The following CNOT10 variants were observed in gnomAD, a reference collection of about 807,000 sequenced individuals.
The protein encoded by CNOT10 is CCR4-NOT transcription complex subunit 10, also known as CCR4-NOT transcription complex, subunit 10.
CNOT10 carries 30 observed loss-of-function variants against 94.6 expected under a neutral mutation model. The observed-to-expected ratio is 0.32, with a 90% confidence interval of 0.24 to 0.43. The LOEUF (loss-of-function observed/expected upper bound fraction) is 0.43. Ranked by LOEUF, CNOT10 falls within the 20% of genes least tolerant of loss-of-function variation. The probability of loss-of-function intolerance (pLI) is 1.00; values close to 1 mark genes in which losing one functional copy is unlikely to be tolerated. For missense variants in CNOT10, 759 were observed against 877.2 expected (o/e 0.87, Z 1.70); for synonymous variants, 289 against 301.6 (o/e 0.96, Z 0.43).
At position 32,770,515 on chromosome 3, in the gene CNOT10, CAG is replaced by C. The variant is rs1559522819; in HGVS notation, c.2080+554_2080+555del. On this transcript the variant is annotated intron_variant, in intron 18 of 18. Coordinates refer to ENST00000328834, the MANE Select transcript of CNOT10 (RefSeq NM_015442.3). ...TAATTTTGTGTATTTTTAGTAGAGACAGGGTTTCACCGTGTTGGCCACGATGG... is the reference window on the plus strand; with the variant it reads ...TAATTTTGTGTATTTTTAGTAGAGACGGTTTCACCGTGTTGGCCACGATGG... Among the ~76,000 whole-genome samples, 3 of 151,716 alleles carry C rather than the reference CAG, an allele frequency of 2.0e-5. No individual in the cohort carries two copies. In the East Asian group the frequency reaches 5.9e-4, roughly 30 times the overall value.
chr3:32,750,499 A>G (rs577115014), intron 13 of CNOT10, among the ~76,000 whole-genome samples: 77 of 152,290 alleles, frequency 5.1e-4, no homozygotes, highest in Middle Eastern at 3.4e-3. Flanking sequence ...CTCAAAAACA[A>G]AAAAGAGTAA....
intron 4 of CNOT10, among the ~76,000 whole-genome samples, chr3:32,711,278 T>C (rs867884135): frequency 9.2e-5 from 14 of 152,170 alleles, no homozygotes; most frequent in African/African-American, 3.4e-4. Context: ...TATAAAATGG[T>C]GTAGTATTTA....
intron 7 of CNOT10, among the ~76,000 whole-genome samples, chr3:32,717,966 C>T (rs754817191): frequency 1.3e-4 from 20 of 152,234 alleles, no homozygotes; most frequent in South Asian, 2.1e-4. Flanking sequence ...ACAGTACCTT[C>T]GATTTAACTG....
intron 1 of CNOT10, among the ~76,000 whole-genome samples, chr3:32,687,294 C>CT (rs1364173757): frequency 2.0e-5 from 3 of 151,674 alleles, no homozygotes; most frequent in Non-Finnish European, 4.4e-5. Context: ...TCGCCCCCCG[C>CT]TTTTTTTATG....
intron 1 of CNOT10, among the ~76,000 whole-genome samples, chr3:32,688,215 C>T (rs1004876604): frequency 1.3e-5 from 2 of 152,154 alleles, no homozygotes; most frequent in South Asian, 2.1e-4. Context: ...AGGAACAAAA[C>T]AAAGTCTCTG....
At chr3:32,756,863 C>G (rs1700243704) in intron 13 of CNOT10, among the ~76,000 whole-genome samples, 1 of 152,070 alleles carries the variant, frequency 6.6e-6, no homozygotes, top group Non-Finnish European at 1.5e-5. Context: ...AATCCCAGCA[C>G]TTTGGGAGGC....
intron 8 of CNOT10, among the ~76,000 whole-genome samples, chr3:32,721,063 T>G (rs1209349645): frequency 1.2e-4 from 15 of 123,422 alleles, no homozygotes; most frequent in Non-Finnish European, 2.1e-4. Flanking sequence ...TTCCTTTCTT[T>G]TTTTTTTTTT....
rs1374247638 is a variant in CNOT10 at position 32,695,966 on chromosome 3, A to AGTGTGT, written c.23-7901_23-7900insTGTGTG. 1.2e-3 allele frequency: 744 copies of AGTGTGT among 616,364 alleles called. 7 individuals are homozygous for AGTGTGT. The highest frequency in any genetic ancestry group is 3.8e-3 in the African/African-American group (170 of 44,198). The allele number at this position is 616,364 out of a possible 1,614,324, so 38.2% of individuals were successfully genotyped here. ...GAAAATAAAAATAATCCTGTTGAAGAGAGTGTGTGTGTGTGTGTGTGTGTG... is the reference window on the plus strand; with the variant it reads ...GAAAATAAAAATAATCCTGTTGAAGAGTGTGTGAGTGTGTGTGTGTGTGTGTGTGTG... On this transcript the variant is annotated intron_variant, in intron 1 of 18. Transcript: ENST00000328834.
intron 13 of CNOT10, chr3:32,753,245 A>C: frequency 1.3e-6 from 1 of 771,998 alleles, no homozygotes; most frequent in Non-Finnish European, 2.4e-6. Context: ...TGCAGATGCT[A>C]ATTTCAGTGT....
At chr3:32,767,513 CTG>C (rs2125645148) in intron 17 of CNOT10, among the ~76,000 whole-genome samples, 2 of 67,724 alleles carry the variant, frequency 3.0e-5, no homozygotes, top group South Asian at 1.5e-3. Context: ...GAGCGAAACT[CTG>C]TCTCAAAAAA....
At chr3:32,710,760 G>A (rs1697847847) in intron 4 of CNOT10, among the ~76,000 whole-genome samples, 1 of 151,578 alleles carries the variant, frequency 6.6e-6, no homozygotes, top group African/African-American at 2.4e-5. Context: ...TCTTTCTGTT[G>A]CCCAGGCTGG....
At chr3:32,740,251 G>A (rs1699400456) in intron 13 of CNOT10, among the ~76,000 whole-genome samples, 1 of 151,842 alleles carries the variant, frequency 6.6e-6, no homozygotes, top group South Asian at 2.1e-4. Context: ...ACGAGGTCAG[G>A]AGTTCAAGAC....
chr3:32,755,022 G>A (rs758500054), intron 13 of CNOT10, among the ~76,000 whole-genome samples: 91 of 151,634 alleles, frequency 6.0e-4, no homozygotes, highest in Non-Finnish European at 1.0e-3. Flanking sequence ...CAAGGCAGGC[G>A]GATCACCTGT....
At chr3:32,747,024 G>A (rs1019008172) in intron 13 of CNOT10, among the ~76,000 whole-genome samples, 3 of 151,962 alleles carry the variant, frequency 2.0e-5, no homozygotes, top group Non-Finnish European at 2.9e-5. Flanking sequence ...GGCTGAGGCA[G>A]GAGAATCACT....
In CNOT10 at chr3:32,761,590, C is replaced by G. The variant is rs188219613; in HGVS notation, c.1710-1143C>G. On this transcript the variant is annotated intron_variant, in intron 14 of 18. Coordinates refer to ENST00000328834, the MANE Select transcript of CNOT10 (RefSeq NM_015442.3). ...TTTCTTTTTCTGAGACAGTTTCACT[C>G]TGTTGCCCAGGCTGGAGTGCAGTGG... 1.1e-3 allele frequency among the ~76,000 whole-genome samples: 162 copies of G among 151,752 alleles called. 1 individual carries two copies. Among genetic ancestry groups the G allele is most frequent in the Middle Eastern group, 3.4e-3 (1 of 294 alleles).
intron 4 of CNOT10, among the ~76,000 whole-genome samples, chr3:32,709,397 C>T (rs951739157): frequency 6.6e-6 from 1 of 152,190 alleles, no homozygotes; most frequent in African/African-American, 2.4e-5. Context: ...CAGTCAAATT[C>T]CATTTGTGAG....
chr3:32,716,549 T>C (rs1243151325), intron 6 of CNOT10, among the ~76,000 whole-genome samples: 1 of 152,216 alleles, frequency 6.6e-6, no homozygotes, highest in East Asian at 1.9e-4. Context: ...GGCACGGGAA[T>C]GTACTGCATG....
At chr3:32,752,064 G>A (rs1321323727) in intron 13 of CNOT10, among the ~76,000 whole-genome samples, 2 of 151,872 alleles carry the variant, frequency 1.3e-5, no homozygotes, top group Admixed American at 6.6e-5. Context: ...CGAGGCAGGT[G>A]GATCACCTGA....
chr3:32,754,341 G>T (rs1700103116), intron 13 of CNOT10, among the ~76,000 whole-genome samples: 1 of 147,606 alleles, frequency 6.8e-6, no homozygotes, highest in South Asian at 2.2e-4. Context: ...GCTGGGCATG[G>T]TGGCGGGCAC....
Sources: gnomAD v4.1 joint callset for allele counts (sites outside exome capture counted in the v4.1 genomes callset) on GRCh38, gnomAD v4.1.1 for gene constraint, MANE v1.5 for transcripts, NCBI Gene and HGNC (gene_info 2026-07-23, HGNC 2026-07-21) for gene names.